ADAM18: variants seen among roughly 807,000 people sequenced by gnomAD.
ADAM18 encodes the protein disintegrin and metalloproteinase domain-containing protein 18.
ADAM18 carries 117 observed loss-of-function variants against 94.4 expected under a neutral mutation model. The observed-to-expected ratio is 1.24, with a 90% CI of 1.07 to 1.45. The LOEUF is 1.45. Ranked by LOEUF, ADAM18 falls within the 40% of genes most tolerant of loss-of-function variation. The pLI, the probability that ADAM18 is intolerant of heterozygous loss-of-function variation, is 0.00. For missense variants in ADAM18, 936 were observed against 880.0 expected (o/e 1.06, Z -0.81); for synonymous variants, 327 against 291.6 (o/e 1.12, Z -1.24).
intron 6 of ADAM18, 102 bp from the exon 7 acceptor site, chr8:39,629,271 GA>G: frequency 1.2e-6 from 1 of 809,566 alleles, no homozygotes; most frequent in Admixed American, 3.2e-5. Context: ...AAGTCCTCAT[GA>G]AAATCTTATA....
At chr8:39,598,816 C>CA (rs1484759561) in intron 2 of ADAM18, among the ~76,000 whole-genome samples, 1 of 149,816 alleles carries the variant, frequency 6.7e-6, no homozygotes, top group Non-Finnish European at 1.5e-5. Context: ...TGGATTTTTT[C>CA]TTTTTTCTTT....
intron 14 of ADAM18, among the ~76,000 whole-genome samples, chr8:39,672,520 A>T (rs1585966023): frequency 6.6e-6 from 1 of 152,328 alleles, no homozygotes. Flanking sequence ...CAATGAGGGT[A>T]CTACTCAATT....
At chr8:39,598,784 A>G (rs1335362298) in intron 2 of ADAM18, among the ~76,000 whole-genome samples, 2 of 149,616 alleles carry the variant, frequency 1.3e-5, no homozygotes, top group African/African-American at 2.5e-5. Context: ...AAAAAAAAAC[A>G]ACAAAAAAAA....
At chr8:39,587,698 G>A (rs753927641) in intron 2 of ADAM18, among the ~76,000 whole-genome samples, 22 of 152,066 alleles carry the variant, frequency 1.4e-4, no homozygotes, top group African/African-American at 4.1e-4. Flanking sequence ...CACCAGACTC[G>A]GCCTCCCAAA....
At chr8:39,642,749 A>G (rs1264589082) in intron 10 of ADAM18, among the ~76,000 whole-genome samples, 3 of 151,768 alleles carry the variant, frequency 2.0e-5, no homozygotes, top group Non-Finnish European at 4.4e-5. Context: ...TTTTGCTTAC[A>G]ATTGCCTTTC....
At chr8:39,609,648 G>A in intron 5 of ADAM18, 87 bp downstream of exon 5, 1 of 856,892 alleles carries the variant, frequency 1.2e-6, no homozygotes, top group East Asian at 2.6e-5. Context: ...CACAAATCAT[G>A]GAAGTTTAAG....
intron 16 of ADAM18, among the ~76,000 whole-genome samples, chr8:39,687,946 C>G (rs1821652999): frequency 6.6e-6 from 1 of 152,122 alleles, no homozygotes; most frequent in Non-Finnish European, 1.5e-5. Context: ...ATACATGTGT[C>G]TTTTTGGTAG....
chr8:39,610,190 C>T (rs1003415462), intron 5 of ADAM18, among the ~76,000 whole-genome samples: 4 of 152,004 alleles, frequency 2.6e-5, no homozygotes, highest in South Asian at 2.1e-4. Flanking sequence ...ACATACATGC[C>T]GTCCCTTATC....
chr8:39,676,290 A>G (rs1443110702), intron 14 of ADAM18, among the ~76,000 whole-genome samples: 1 of 152,212 alleles, frequency 6.6e-6, no homozygotes, highest in Non-Finnish European at 1.5e-5. Context: ...GTTGAGCTGC[A>G]GTGGACTCTG....
intron 10 of ADAM18, among the ~76,000 whole-genome samples, chr8:39,642,114 T>C (rs1487163253): frequency 6.6e-6 from 1 of 152,126 alleles, no homozygotes; most frequent in Non-Finnish European, 1.5e-5. Context: ...GTTGTTAGTT[T>C]TTGTCTTCTA....
At chr8:39,630,969 A>T (rs1277371965) in intron 7 of ADAM18, among the ~76,000 whole-genome samples, 1 of 151,996 alleles carries the variant, frequency 6.6e-6, no homozygotes, top group Non-Finnish European at 1.5e-5. Context: ...GGTGCATTTA[A>T]CACATGATTG....
intron 19 of ADAM18, among the ~76,000 whole-genome samples, chr8:39,728,277 T>TA (rs1182403566): frequency 6.6e-6 from 1 of 152,002 alleles, no homozygotes; most frequent in Non-Finnish European, 1.5e-5. Flanking sequence ...CATTTTTTTT[T>TA]AAAAAAGCAG....
At chr8:39,647,606 C>T (rs1253472615) in intron 11 of ADAM18, among the ~76,000 whole-genome samples, 4 of 152,230 alleles carry the variant, frequency 2.6e-5, no homozygotes, top group South Asian at 2.1e-4. Context: ...TGTCATCCCA[C>T]GAGGCCATAT....
intron 6 of ADAM18, among the ~76,000 whole-genome samples, chr8:39,617,547 T>C (rs976736114): frequency 9.9e-5 from 15 of 152,174 alleles, no homozygotes; most frequent in Admixed American, 5.2e-4. Context: ...CATATACTTA[T>C]CATAGTACTA....
At chr8:39,595,001 C>T (rs544356468) in intron 2 of ADAM18, among the ~76,000 whole-genome samples, 14 of 151,396 alleles carry the variant, frequency 9.2e-5, no homozygotes, top group African/African-American at 2.7e-4. Flanking sequence ...CCTAGGTCCC[C>T]GAAGCTCTGT....
At chr8:39,671,289 G>T (rs1821148992) in intron 14 of ADAM18, among the ~76,000 whole-genome samples, 1 of 152,206 alleles carries the variant, frequency 6.6e-6, no homozygotes, top group Non-Finnish European at 1.5e-5. Flanking sequence ...TTGTAAGAGA[G>T]AATACATTAG....
chr8:39,702,762 T>G (rs1304713563), intron 17 of ADAM18, among the ~76,000 whole-genome samples: 4 of 152,208 alleles, frequency 2.6e-5, no homozygotes, highest in Non-Finnish European at 5.9e-5. Flanking sequence ...ATTGTTTGTT[T>G]CTGTCAAGTC....
intron 2 of ADAM18, among the ~76,000 whole-genome samples, chr8:39,596,447 G>C (rs989174148): frequency 6.6e-6 from 1 of 152,164 alleles, no homozygotes; most frequent in African/African-American, 2.4e-5. Flanking sequence ...AGCCTTTTCA[G>C]ATGGCTTTTC....
intron 6 of ADAM18, among the ~76,000 whole-genome samples, chr8:39,614,881 G>A (rs1379137195): frequency 6.6e-6 from 1 of 152,116 alleles, no homozygotes; most frequent in Non-Finnish European, 1.5e-5. Context: ...TAGTGATAAA[G>A]GGTTCATATC....
Sources: gnomAD v4.1 joint callset for allele counts (sites outside exome capture counted in the v4.1 genomes callset) on GRCh38, gnomAD v4.1.1 for gene constraint, MANE v1.5 for transcripts, NCBI Gene and HGNC (gene_info 2026-07-23, HGNC 2026-07-21) for gene names.